The following GOSR2 variants were observed in gnomAD, a reference collection of about 807,000 sequenced individuals.
GOSR2 encodes the protein golgi SNAP receptor complex member 2.
In GOSR2, 20 loss-of-function variants were observed where a neutral mutation model predicts 27.9. That is an observed-to-expected ratio of 0.72 (90% CI 0.50 to 1.04). GOSR2 has a LOEUF of 1.04. Ranked by LOEUF, GOSR2 falls within the 50% of genes least tolerant of loss-of-function variation. The pLI, the probability that GOSR2 is intolerant of heterozygous loss-of-function variation, is 0.00. For synonymous variants in GOSR2, 91 were observed against 98.8 expected (o/e 0.92, Z 0.47); for missense variants, 261 against 270.5 (o/e 0.97, Z 0.25).
intron 6 of GOSR2, among the ~76,000 whole-genome samples, chr17:46,947,171 C>G (rs933630625): frequency 6.6e-6 from 1 of 152,146 alleles, no homozygotes; most frequent in Non-Finnish European, 1.5e-5. Context: ...TCAGCTGTCT[C>G]TGAAACCAGG....
At chr17:46,971,855 T>C (rs942091567), downstream of GOSR2, among the ~76,000 whole-genome samples, 2 of 152,210 alleles carry the variant, frequency 1.3e-5, no homozygotes. Context: ...TTTTCTTCTG[T>C]GTTCTGGGCC....
downstream of GOSR2, among the ~76,000 whole-genome samples, chr17:46,967,354 A>G (rs2147335656): frequency 6.6e-6 from 1 of 152,356 alleles, no homozygotes; most frequent in East Asian, 1.9e-4. Context: ...GAGAGTTAAT[A>G]CATGAACAGA....
exon 7 of GOSR2, chr17:46,966,933 G>A (rs1336373228): frequency 5.2e-6 from 2 of 384,182 alleles, no homozygotes. Context: ...TTTGAATCTG[G>A]CTAGAGAAAA....
At chr17:46,963,543 CAAA>C (rs34316777) in intron 6 of GOSR2, among the ~76,000 whole-genome samples, 2,150 of 137,678 alleles carry the variant, frequency 0.016, 29 homozygotes, top group African/African-American at 0.048. Flanking sequence ...GGCTCGGTCT[CAAA>C]AAAAAAAAAA....
intron 6 of GOSR2, among the ~76,000 whole-genome samples, chr17:46,958,679 A>G (rs946200204): frequency 6.6e-6 from 1 of 152,240 alleles, no homozygotes; most frequent in Non-Finnish European, 1.5e-5. Flanking sequence ...CTGATGGACA[A>G]GAGTTCTCCC....
intron 2 of GOSR2, chr17:46,929,894 T>C: frequency 3.6e-6 from 1 of 278,886 alleles, no homozygotes; most frequent in Non-Finnish European, 6.9e-6. Flanking sequence ...TCCATAAAAA[T>C]TCAGAGATGT....
rs2088080853 is a variant in GOSR2, at chr17:46,935,125, CA to C, written c.434del (p.His145ProfsTer4). 1.9e-6 allele frequency: 3 copies of C among 1,613,858 alleles called. No homozygotes were observed. The highest frequency in any genetic ancestry group is 2.5e-6 in the Non-Finnish European group (3 of 1,179,806). On this transcript the variant is annotated frameshift_variant, in exon 5 of 6. Coordinates refer to ENST00000640051, the MANE Select transcript of GOSR2 (RefSeq NM_004287.5). LOFTEE classifies it high-confidence loss of function. The part of the protein sequence containing the change: ...NGMDDLILDG[H>X]NILDGLRTQR... ...CATGGATGACCTCATTTTAGATGGG[CA>C]CAATATTTTAGATGGACTGAGGACC...
chr17:46,944,025 C>T (rs76217995), downstream of GOSR2, among the ~76,000 whole-genome samples: 1,171 of 152,242 alleles, frequency 7.7e-3, 32 homozygotes, highest in East Asian at 0.06. Context: ...TAGTGTGGTT[C>T]CACTGGCCCT....
At chr17:46,970,755 A>G (rs1320117735), downstream of GOSR2, among the ~76,000 whole-genome samples, 1 of 152,206 alleles carries the variant, frequency 6.6e-6, no homozygotes, top group Non-Finnish European at 1.5e-5. Context: ...TTTGCATAAA[A>G]GAGAACCAGG....
At chr17:46,970,159 A>G (rs756776125), downstream of GOSR2, among the ~76,000 whole-genome samples, 37 of 152,214 alleles carry the variant, frequency 2.4e-4, no homozygotes, top group Admixed American at 9.8e-4. Context: ...ATGTGGTTCC[A>G]TCCCACGGCT....
At chr17:46,960,228 G>T (rs1647027902) in intron 6 of GOSR2, among the ~76,000 whole-genome samples, 1 of 152,152 alleles carries the variant, frequency 6.6e-6, no homozygotes, top group South Asian at 2.1e-4. Flanking sequence ...TATACAGATG[G>T]CACTTAAGAA....
In GOSR2 at chr17:46,939,183, A is replaced by G; in HGVS notation, c.*423A>G. 9.2e-7 allele frequency: 1 copy of G among 1,087,252 alleles called. No homozygotes were observed. Among genetic ancestry groups the G allele is most frequent in the South Asian group, 2.8e-5 (1 of 36,248 alleles). The allele number at this position is 1,087,252 out of a possible 1,614,324, so 67.4% of individuals were successfully genotyped here. On this transcript the variant is annotated 3_prime_UTR_variant, in exon 6 of 6. Transcript: ENST00000640051. Reference sequence around the variant, plus strand: ...CTGATAGGGTGGAGCAAAAGTGGAAAGGAAAGGAAAGAGGCCTTTTCTCAC... The same window carrying G: ...CTGATAGGGTGGAGCAAAAGTGGAAGGGAAAGGAAAGAGGCCTTTTCTCAC...
chr17:46,923,537 A>C (rs1198781813), intron 1 of GOSR2: 4 of 1,328,080 alleles, frequency 3.0e-6, no homozygotes, highest in East Asian at 2.8e-5. Context: ...GCACTTGTCA[A>C]CTCGGTGCTC....
chr17:46,975,554 C>T (rs922590325), downstream of GOSR2: 1 of 152,276 alleles, frequency 6.6e-6, no homozygotes, highest in Non-Finnish European at 1.5e-5. Context: ...CTCAGGACTC[C>T]TGGGGAGAAC....
chr17:46,954,808 C>G lies in GOSR2; in HGVS notation c.584-11726C>G, dbSNP rs557013082. On this transcript the variant is annotated intron_variant, in intron 6 of 6. Transcript: ENST00000573224. ...AAGCAATTGTGAATGGGAGTTCACT[C>G]ATGATTTGGCTGTCTGTTATTGGTG... Among the ~76,000 whole-genome samples the G allele has an allele frequency of 3.7e-4, 57 of 152,298 alleles. No homozygotes were observed. The East Asian group carries it at 6.9e-3, about 19-fold the overall frequency.
chr17:46,932,044 A>ATC lies in GOSR2; in HGVS notation c.204-14_204-13dup. 4.3e-6 allele frequency: 7 copies of ATC among 1,610,860 alleles called. No homozygotes were observed. The highest frequency in any genetic ancestry group is 5.9e-6 in the Non-Finnish European group (7 of 1,177,102). ...TGCTGCCCTGAGTTCCTGGAATTTA[A>ATC]TCTCTCTCTCCATCAATTCCAGTCG... On this transcript the variant is annotated intron_variant, in intron 3 of 5. Coordinates refer to ENST00000640051, the MANE Select transcript of GOSR2 (RefSeq NM_004287.5).
chr17:46,923,840 C>G (rs2086080776), intron 1 of GOSR2: 3 of 399,032 alleles, frequency 7.5e-6, no homozygotes, highest in Non-Finnish European at 1.3e-5. Context: ...CATCGTCCTG[C>G]ACTTTCGGAA....
intron 6 of GOSR2, among the ~76,000 whole-genome samples, chr17:46,972,619 C>T (rs2091404360): frequency 1.3e-5 from 2 of 152,234 alleles, no homozygotes; most frequent in South Asian, 4.1e-4. Context: ...CATACAGGTT[C>T]CATGTCCCGG....
At chr17:46,956,769 G>A (rs1397464706) in intron 6 of GOSR2, among the ~76,000 whole-genome samples, 2 of 152,194 alleles carry the variant, frequency 1.3e-5, no homozygotes, top group Non-Finnish European at 2.9e-5. Context: ...AGTGCTGGCT[G>A]GAGAGGATAC....
Sources: allele counts gnomAD v4.1 joint callset (sites outside exome capture counted in the v4.1 genomes callset), GRCh38; gene constraint gnomAD v4.1.1; transcripts MANE v1.5; gene names NCBI Gene and HGNC (gene_info 2026-07-23, HGNC 2026-07-21).